Variants in SPECC1L observed in about 807,000 individuals in gnomAD.
The protein encoded by SPECC1L is sperm antigen with calponin homology and coiled-coil domains 1 like.
Under a neutral mutation model 116.8 loss-of-function variants are expected in SPECC1L, and 40 were observed. The ratio of observed to expected loss-of-function variants is 0.34; its 90% CI spans 0.27 to 0.45. The LOEUF (loss-of-function observed/expected upper bound fraction) is 0.45, where lower values mean the gene tolerates loss of function less well. Ranked by LOEUF, SPECC1L falls within the 20% of genes least tolerant of loss-of-function variation. The probability of loss-of-function intolerance (pLI) is 1.00; values close to 1 mark genes in which losing one functional copy is unlikely to be tolerated. For synonymous variants in SPECC1L, 504 were observed against 500.6 expected, an observed-to-expected ratio of 1.01 and a Z score of -0.09; for missense variants, 1,110 against 1,373.6, an observed-to-expected ratio of 0.81 and a Z score of 3.03.
chr22:24,285,426 G>A lies in SPECC1L; in HGVS notation c.-38+8623G>A, dbSNP rs143300483. Among the ~76,000 whole-genome samples, 371 of 152,178 alleles carry A rather than the reference G, an allele frequency of 2.4e-3. 1 individual carries two copies. Among genetic ancestry groups the A allele is most frequent in the Middle Eastern group, 3.4e-3 (1 of 294 alleles). Reference sequence around the variant, plus strand: ...ACCGAAATTTGGAGATGAGTAATATGCCCAGAGCCAGATAACTAATAAGTA... The same window carrying A: ...ACCGAAATTTGGAGATGAGTAATATACCCAGAGCCAGATAACTAATAAGTA... On this transcript the variant is annotated intron_variant, in intron 2 of 16. Coordinates refer to ENST00000314328, the MANE Select transcript of SPECC1L (RefSeq NM_015330.6).
chr22:24,328,954 A>G (rs772484294), intron 7 of SPECC1L, 35 bp downstream of exon 7: 1 of 1,538,774 alleles, frequency 6.5e-7, no homozygotes, highest in Non-Finnish European at 9.0e-7. Flanking sequence ...CTTGTTAGAA[A>G]ACGGTTTTCT....
chr22:24,412,487 G>T, intron 15 of SPECC1L, 161 bp from the exon 16 acceptor site: 1 of 715,050 alleles, frequency 1.4e-6, no homozygotes, highest in Non-Finnish European at 2.5e-6. Flanking sequence ...CAGGGTACTT[G>T]GTGCAGATGC....
intron 1 of SPECC1L, among the ~76,000 whole-genome samples, chr22:24,274,204 T>C (rs888112770): frequency 1.1e-4 from 16 of 152,236 alleles, no homozygotes; most frequent in African/African-American, 3.4e-4. Flanking sequence ...CATTGTGACC[T>C]CAGTCTTTTA....
intron 12 of SPECC1L, among the ~76,000 whole-genome samples, chr22:24,363,576 A>G (rs1038070748): frequency 2.0e-5 from 3 of 152,114 alleles, no homozygotes; most frequent in African/African-American, 7.2e-5. Context: ...TAAAATTACC[A>G]TCCCAAAGCC....
At chr22:24,326,848 G>A (rs1385539713) in intron 6 of SPECC1L, among the ~76,000 whole-genome samples, 1 of 152,038 alleles carries the variant, frequency 6.6e-6, no homozygotes, top group Non-Finnish European at 1.5e-5. Flanking sequence ...TGCCGCCAAC[G>A]TTTTATCCCA....
At chr22:24,342,867 G>GGGCA (rs1333056280) in intron 10 of SPECC1L, among the ~76,000 whole-genome samples, 6 of 151,944 alleles carry the variant, frequency 3.9e-5, no homozygotes, top group Admixed American at 6.6e-5. Flanking sequence ...GCGGGTCGGG[G>GGGCA]GGCAGAGTGG....
At chr22:24,391,134 C>CA (rs1195299250) in intron 14 of SPECC1L, among the ~76,000 whole-genome samples, 2 of 151,932 alleles carry the variant, frequency 1.3e-5, no homozygotes, top group African/African-American at 4.8e-5. Flanking sequence ...CTTGGCCTCC[C>CA]AAAGTGCTGG....
intron 14 of SPECC1L, among the ~76,000 whole-genome samples, chr22:24,397,714 T>A (rs1009227446): frequency 5.3e-5 from 8 of 152,218 alleles, no homozygotes; most frequent in Non-Finnish European, 8.8e-5. Flanking sequence ...TTTGAATGAG[T>A]CCAGATATAT....
intron 14 of SPECC1L, among the ~76,000 whole-genome samples, chr22:24,389,480 T>C (rs1344216206): frequency 6.6e-6 from 1 of 151,924 alleles, no homozygotes; most frequent in Non-Finnish European, 1.5e-5. Flanking sequence ...TGTGACACTT[T>C]TGTCCAGGTT....
chr22:24,318,059 C>T (rs1184571090), intron 4 of SPECC1L, among the ~76,000 whole-genome samples: 5 of 149,316 alleles, frequency 3.3e-5, no homozygotes, highest in South Asian at 2.1e-4. Flanking sequence ...GGCAGAGGGG[C>T]TCCTCACATC....
intron 6 of SPECC1L, among the ~76,000 whole-genome samples, chr22:24,326,178 C>G (rs1471997270): frequency 6.6e-6 from 1 of 152,200 alleles, no homozygotes; most frequent in African/African-American, 2.4e-5. Flanking sequence ...GTCTCGAACT[C>G]CTGACCTCAG....
intron 12 of SPECC1L, among the ~76,000 whole-genome samples, chr22:24,363,737 A>G (rs1442611416): frequency 6.6e-6 from 1 of 152,168 alleles, no homozygotes; most frequent in Admixed American, 6.5e-5. Context: ...ATTGAACGAA[A>G]AAGACATAAT....
At chr22:24,397,226 G>T (rs62233990) in intron 14 of SPECC1L, among the ~76,000 whole-genome samples, 2,970 of 152,230 alleles carry the variant, frequency 0.02, 52 homozygotes, top group African/African-American at 0.042. Flanking sequence ...CACCGACAGA[G>T]TGAAAAGAAT....
At chr22:24,411,508 A>C (rs1212814316) in intron 14 of SPECC1L, 80 bp from the exon 15 acceptor site, 7 of 1,281,154 alleles carry the variant, frequency 5.5e-6, no homozygotes, top group Admixed American at 1.7e-5. Flanking sequence ...GCAGCATCTG[A>C]GGCCTCCTGC....
intron 1 of SPECC1L, among the ~76,000 whole-genome samples, chr22:24,276,071 G>A (rs2048830801): frequency 1.3e-5 from 2 of 151,938 alleles, no homozygotes; most frequent in African/African-American, 4.8e-5. Context: ...TCTTGGTCAA[G>A]CCTAGGAAAG....
chr22:24,345,480 A>G (rs1040526448), intron 10 of SPECC1L, among the ~76,000 whole-genome samples: 3 of 152,226 alleles, frequency 2.0e-5, no homozygotes, highest in African/African-American at 4.8e-5. Context: ...AACTTCTCTG[A>G]AAGACGTTAA....
intron 14 of SPECC1L, among the ~76,000 whole-genome samples, chr22:24,388,677 G>A (rs185242967): frequency 1.3e-3 from 198 of 152,248 alleles, no homozygotes; most frequent in African/African-American, 4.6e-3. Flanking sequence ...TTCCACAATG[G>A]TTGAACTAGT....
chr22:24,354,082 A>G (rs932607409), intron 11 of SPECC1L, among the ~76,000 whole-genome samples: 2 of 152,128 alleles, frequency 1.3e-5, no homozygotes, highest in African/African-American at 4.8e-5. Flanking sequence ...GGGGAGCATG[A>G]GAGAGAGGAG....
intron 11 of SPECC1L, among the ~76,000 whole-genome samples, chr22:24,360,467 G>A (rs1031321623): frequency 7.9e-5 from 12 of 152,212 alleles, no homozygotes; most frequent in African/African-American, 2.2e-4. Flanking sequence ...CAGTCTGTCA[G>A]ATTGAGGCAG....
Sources: gnomAD v4.1 joint callset for allele counts (sites outside exome capture counted in the v4.1 genomes callset) on GRCh38, gnomAD v4.1.1 for gene constraint, MANE v1.5 for transcripts, NCBI Gene and HGNC (gene_info 2026-07-23, HGNC 2026-07-21) for gene names.